AASDH: variants seen among roughly 807,000 people sequenced by gnomAD.
AASDH encodes aminoadipate-semialdehyde dehydrogenase.
AASDH carries 81 observed loss-of-function variants against 102.3 expected under a neutral mutation model. That is an observed-to-expected ratio of 0.79 (90% CI 0.66 to 0.95). The LOEUF (loss-of-function observed/expected upper bound fraction) is 0.95, where lower values mean the gene tolerates loss of function less well. Ranked by LOEUF, AASDH falls within the 40% of genes least tolerant of loss-of-function variation. The pLI is 0.00. For missense variants in AASDH, 1,203 were observed against 1,266.2 expected, an observed-to-expected ratio of 0.95 and a Z score of 0.76; for synonymous variants, 398 against 454.0, an observed-to-expected ratio of 0.88 and a Z score of 1.57.
In AASDH at chr4:56,342,941, T is replaced by C; in HGVS notation, c.2801A>G (p.His934Arg). 6.3e-7 allele frequency: 1 copy of C among 1,590,518 alleles called. No individual in the cohort carries two copies. The highest frequency in any genetic ancestry group is 2.3e-5 in the East Asian group (1 of 43,552). The change falls in exon 14 of 15, where the codon CAT (histidine) becomes CGT (arginine). Residue 934 changes from histidine (H) to arginine (R), a missense_variant. Transcript: ENST00000205214. The part of the protein sequence containing the change: ...NPATGNVIWK[H>R]SCGKPLFSSP... ...AGAGAAGAGTGGTTTTCCACAGGAA[T>C]GTTTCCAAATAACGTTCCCAGTAGC...
chr4:56,356,221 C>T (rs1749620048), intron 5 of AASDH: 1 of 764,798 alleles, frequency 1.3e-6, no homozygotes, highest in Non-Finnish European at 2.4e-6. Flanking sequence ...TGGTGAATCC[C>T]CTGTTTGAGA....
At position 56,354,193 on chromosome 4, in the gene AASDH, C is replaced by T; in HGVS notation, c.1229G>A (p.Cys410Tyr). 1.9e-6 allele frequency: 3 copies of T among 1,581,704 alleles called. No individual in the cohort carries two copies. The highest frequency in any genetic ancestry group is 1.7e-6 in the Non-Finnish European group (2 of 1,162,556). Reference sequence around the variant, plus strand: ...TACTGTCACTTCATCATCAAGAAAACACACTCTGTTTCTGCCACCTTCCCA... The same window carrying T: ...TACTGTCACTTCATCATCAAGAAAATACACTCTGTTTCTGCCACCTTCCCA... Reference protein sequence around the residue: ...QVFLGGRNRVCFLDDEVTVPL... With the variant: ...QVFLGGRNRVYFLDDEVTVPL... Residue 410 changes from cysteine to tyrosine, a missense_variant, in exon 8 of 15, where the codon TGT becomes TAT. Transcript: ENST00000205214.
intron 4 of AASDH, among the ~76,000 whole-genome samples, chr4:56,375,375 G>A (rs1159080887): frequency 6.6e-6 from 1 of 152,048 alleles, no homozygotes; most frequent in African/African-American, 2.4e-5. Context: ...GTCTAAAATA[G>A]AAAATTTAAC....
rs781053675 is a variant in AASDH at position 56,353,437 on chromosome 4, C to T, written c.1543G>A (p.Val515Ile). 18 of 1,612,872 alleles carry T rather than the reference C, an allele frequency of 1.1e-5. No homozygotes were observed. In the African/African-American group the frequency reaches 1.7e-4, roughly 16 times the overall value. The part of the protein sequence containing the change: ...LPSHAVPDEL[V>I]LIDSLPFTSH... ...GTAAATGGTAGAGAGTCGATCAATA[C>T]AAGCTCATCCGGGACTGCATGACTT... The change falls in exon 9 of 15, where the codon GTA (valine) becomes ATA (isoleucine). Residue 515 changes from valine (V) to isoleucine (I), a missense_variant. Physicochemically the swap from Val to Ile is conservative, Grantham distance 29. Transcript: ENST00000205214.
At chr4:56,351,786 G>T (rs1446681923) in intron 9 of AASDH, among the ~76,000 whole-genome samples, 1 of 151,646 alleles carries the variant, frequency 6.6e-6, no homozygotes, top group Non-Finnish European at 1.5e-5. Context: ...TTAAAAAATT[G>T]GCCTGTAGTT....
intron 5 of AASDH, among the ~76,000 whole-genome samples, chr4:56,363,246 C>T (rs1484210946): frequency 6.6e-6 from 1 of 152,238 alleles, no homozygotes; most frequent in Non-Finnish European, 1.5e-5. Flanking sequence ...TGGGTGGAGC[C>T]CAGCACAGCT....
intron 5 of AASDH, among the ~76,000 whole-genome samples, chr4:56,363,569 T>C (rs571132774): frequency 6.6e-6 from 1 of 152,188 alleles, no homozygotes; most frequent in African/African-American, 2.4e-5. Flanking sequence ...TTCACCAATA[T>C]CCGCTGTTCT....
intron 14 of AASDH, among the ~76,000 whole-genome samples, chr4:56,339,380 C>T (rs1209657947): frequency 2.6e-5 from 4 of 151,982 alleles, no homozygotes; most frequent in African/African-American, 4.8e-5. Flanking sequence ...CTCCTGACCT[C>T]GTGATCCGCC....
intron 14 of AASDH, among the ~76,000 whole-genome samples, chr4:56,342,540 CAAAA>C (rs973624934): frequency 1.3e-5 from 2 of 151,934 alleles, no homozygotes; most frequent in African/African-American, 4.8e-5. Flanking sequence ...GGGGAGATGA[CAAAA>C]GAAGTGTAAC....
chr4:56,355,311 A>G lies in AASDH; in HGVS notation c.974T>C (p.Leu325Ser). ...LALGGEAFPS[L>S]TVLRSWRGEG... ...TCCTCTCCAGCTTCTGAGAACTGTC[A>G]ATGATGGAAACGCTTCACCACCAAG... The change falls in exon 6 of 15, where the codon TTG becomes TCG. Residue 325 changes from leucine to serine, a missense_variant. By Grantham distance (145) the Leu-to-Ser change is moderately radical. Coordinates refer to ENST00000205214, the MANE Select transcript of AASDH (RefSeq NM_181806.4). 6.2e-7 allele frequency: 1 copy of G among 1,614,164 alleles called. No homozygotes were observed. The highest frequency in any genetic ancestry group is 8.5e-7 in the Non-Finnish European group (1 of 1,180,024).
At chr4:56,363,174 G>A (rs1750529181) in intron 5 of AASDH, among the ~76,000 whole-genome samples, 1 of 152,236 alleles carries the variant, frequency 6.6e-6, no homozygotes, top group African/African-American at 2.4e-5. Flanking sequence ...CGAGGCTGGG[G>A]GAGGGGCGCC....
At chr4:56,351,809 G>A (rs911478985) in intron 9 of AASDH, among the ~76,000 whole-genome samples, 30 of 151,648 alleles carry the variant, frequency 2.0e-4, no homozygotes, top group Non-Finnish European at 3.8e-4. Context: ...AGCTACTCGG[G>A]AGGCTTAGAT....
rs558810092 is a variant in AASDH at position 56,386,609 on chromosome 4, A to G, written c.-43+753T>C. 1.0e-3 allele frequency among the ~76,000 whole-genome samples: 157 copies of G among 150,914 alleles called. 1 individual carries two copies. The highest frequency in any genetic ancestry group is 3.7e-3 in the African/African-American group (152 of 41,156). On this transcript the variant is annotated intron_variant, in intron 1 of 14. Coordinates refer to ENST00000205214, the MANE Select transcript of AASDH (RefSeq NM_181806.4). Reference sequence around the variant, plus strand: ...GAGATCGAGACCATCCTGGCTAACAAGGTGAAACCCCGTCTCTACTAAAAA... The same window carrying G: ...GAGATCGAGACCATCCTGGCTAACAGGGTGAAACCCCGTCTCTACTAAAAA...
At chr4:56,356,886 G>T in intron 5 of AASDH, 1 of 955,598 alleles carries the variant, frequency 1.0e-6, no homozygotes, top group Non-Finnish European at 1.6e-6. Flanking sequence ...GCATCGCCAA[G>T]CTCGAAAAGG....
chr4:56,343,148 A>G (rs1747899311), intron 13 of AASDH, among the ~76,000 whole-genome samples, 182 bp from the exon 14 acceptor site: 1 of 152,198 alleles, frequency 6.6e-6, no homozygotes. Context: ...ATTTATGAGA[A>G]CTAGGAAAAA....
At chr4:56,368,905 A>C (rs1231020376) in intron 5 of AASDH, among the ~76,000 whole-genome samples, 2 of 143,860 alleles carry the variant, frequency 1.4e-5, no homozygotes, top group Admixed American at 6.9e-5. Flanking sequence ...ACTCCCTCCC[A>C]AAAAAAAAAG....
intron 4 of AASDH, among the ~76,000 whole-genome samples, chr4:56,374,122 GTAA>G (rs773285690): frequency 1.1e-4 from 17 of 152,124 alleles, no homozygotes; most frequent in Non-Finnish European, 4.4e-5. Flanking sequence ...GCTCACGCTT[GTAA>G]TCCCAGCACT....
chr4:56,346,946 T>C (rs934747728), intron 11 of AASDH, among the ~76,000 whole-genome samples: 1 of 150,518 alleles, frequency 6.6e-6, no homozygotes, highest in Non-Finnish European at 1.5e-5. Context: ...GAAGCTGAGG[T>C]GGGAGCATCA....
At chr4:56,352,120 GACAAA>G (rs1034198869) in intron 9 of AASDH, among the ~76,000 whole-genome samples, 2 of 152,014 alleles carry the variant, frequency 1.3e-5, no homozygotes, top group Non-Finnish European at 2.9e-5. Flanking sequence ...GTCCTAGACA[GACAAA>G]ACAAACAATA....
Sources: gnomAD v4.1 joint callset for allele counts (sites outside exome capture counted in the v4.1 genomes callset) on GRCh38, gnomAD v4.1.1 for gene constraint, MANE v1.5 for transcripts, NCBI Gene and HGNC (gene_info 2026-07-23, HGNC 2026-07-21) for gene names.